The following MSANTD7 variants were observed in gnomAD, a reference collection of about 807,000 sequenced individuals.
The protein encoded by MSANTD7 is zinc finger and SCAN domain containing 29.
the MSANTD7 span, chr10:14,840,057 TA>T: frequency 1.9e-5 from 23 of 1,224,192 alleles, no homozygotes; most frequent in African/African-American, 4.6e-5. Context: ...TATATATATA[TA>T]TTATTTTTTT....
At chr10:14,846,461 A>C in the MSANTD7 span, 3 of 985,382 alleles carry the variant, frequency 3.0e-6, no homozygotes, top group Non-Finnish European at 3.6e-6. Context: ...GTCTTGAATA[A>C]GTACACAGAA....
chr10:14,846,409 G>A, the MSANTD7 span: 1 of 985,398 alleles, frequency 1.0e-6, no homozygotes, highest in Non-Finnish European at 1.2e-6. Flanking sequence ...GAAATTCAAT[G>A]GGTAAAGTAA....
chr10:14,846,974 A>G, the MSANTD7 span: 1 of 985,418 alleles, frequency 1.0e-6, no homozygotes, highest in Non-Finnish European at 1.2e-6. Flanking sequence ...CCTGGTGTGG[A>G]CAAATAAAGT....
chr10:14,845,275 T>C, the MSANTD7 span: 5 of 985,384 alleles, frequency 5.1e-6, no homozygotes, highest in Non-Finnish European at 6.0e-6. Flanking sequence ...TCTTTAGGAT[T>C]TAAAAAGTTT....
chr10:14,846,645 T>G, the MSANTD7 span: 1 of 945,430 alleles, frequency 1.1e-6, no homozygotes, highest in Non-Finnish European at 1.3e-6. Flanking sequence ...AGTGGGAAAC[T>G]CATAATTGTC....
the MSANTD7 span, chr10:14,844,794 C>A: frequency 1.0e-6 from 1 of 985,194 alleles, no homozygotes; most frequent in Admixed American, 6.2e-5. Flanking sequence ...CTTTAAGTTT[C>A]GGTTGCCATT....
At chr10:14,838,599 C>T in the MSANTD7 span, 1 of 816,676 alleles carries the variant, frequency 1.2e-6, no homozygotes, top group African/African-American at 1.8e-5. Flanking sequence ...CACTCCGGAG[C>T]GAAGGGCCGG....
chr10:14,842,902 T>C, the MSANTD7 span: 1 of 1,224,770 alleles, frequency 8.2e-7, no homozygotes, highest in Non-Finnish European at 1.1e-6. This position sits in a 1 kb window ranked among gnomAD's most constrained non-coding sequence, Gnocchi z 5.2. Flanking sequence ...CTCTAAACAT[T>C]TAGCTGTGTC....
chr10:14,846,299 A>G, the MSANTD7 span: 134 of 985,252 alleles, frequency 1.4e-4, no homozygotes, highest in Non-Finnish European at 1.6e-4. Context: ...GTATTCTATA[A>G]ATCTATTAAT....
At chr10:14,839,850 T>G in the MSANTD7 span, 1 of 1,318,574 alleles carries the variant, frequency 7.6e-7, no homozygotes. Flanking sequence ...GGTGCACAAA[T>G]GCACACGTCT....
chr10:14,842,120 CT>C, the MSANTD7 span: 1 of 1,522,092 alleles, frequency 6.6e-7, no homozygotes, highest in Non-Finnish European at 8.8e-7. The surrounding 1 kb of genome is among the most constrained non-coding windows in gnomAD (Gnocchi z 5.2). Context: ...TCTCATTCCC[CT>C]GTGGCCTTCC....
At chr10:14,843,535 A>G in the MSANTD7 span, 1 of 1,550,448 alleles carries the variant, frequency 6.4e-7, no homozygotes, top group Non-Finnish European at 8.7e-7. Flanking sequence ...CACACCGCAG[A>G]CTCCAGTCTC....
At chr10:14,843,333 G>C in the MSANTD7 span, 1 of 1,549,900 alleles carries the variant, frequency 6.5e-7, no homozygotes, top group East Asian at 2.4e-5. Context: ...CCCTTAGCAG[G>C]AATGTTCTCT....
At chr10:14,839,859 C>A in the MSANTD7 span, 1 of 1,423,156 alleles carries the variant, frequency 7.0e-7, no homozygotes, top group Non-Finnish European at 9.9e-7. Flanking sequence ...ATGCACACGT[C>A]TGAATACGTC....
chr10:14,841,802 G>C, the MSANTD7 span, among the ~76,000 whole-genome samples: 1 of 152,214 alleles, frequency 6.6e-6, no homozygotes, highest in Non-Finnish European at 1.5e-5. Flanking sequence ...CTTTCAGATT[G>C]CTATACCGTG....
chr10:14,846,479 C>T, the MSANTD7 span: 5 of 985,204 alleles, frequency 5.1e-6, no homozygotes, highest in Non-Finnish European at 4.8e-6. Flanking sequence ...GAAAAATAGG[C>T]TAAAAATATT....
chr10:14,839,600 G>T, the MSANTD7 span, among the ~76,000 whole-genome samples: 2 of 151,972 alleles, frequency 1.3e-5, no homozygotes, highest in South Asian at 4.1e-4. Flanking sequence ...AATGGTAATG[G>T]TAAGAAGGAA....
chr10:14,843,612 G>A, the MSANTD7 span: 3 of 1,550,492 alleles, frequency 1.9e-6, no homozygotes, highest in African/African-American at 1.4e-5. Context: ...CTCCAAGGTG[G>A]GCAAGGCGAA....
At chr10:14,838,766 G>A in the MSANTD7 span, among the ~76,000 whole-genome samples, 5 of 152,148 alleles carry the variant, frequency 3.3e-5, no homozygotes, top group African/African-American at 1.2e-4. Context: ...GCCCGGGGGG[G>A]TCCCGGAGAC....
Sources: allele counts gnomAD v4.1 joint callset (sites outside exome capture counted in the v4.1 genomes callset), GRCh38; gene constraint gnomAD v4.1.1; non-coding constraint Gnocchi (gnomAD v3.1); transcripts MANE v1.5; gene names NCBI Gene and HGNC (gene_info 2026-07-23, HGNC 2026-07-21).